TRERF1: variants seen among roughly 807,000 people sequenced by gnomAD.
TRERF1 encodes transcriptional regulating factor 1, also known as transcriptional-regulating factor 1.
A neutral mutation model predicts 122.9 loss-of-function variants in TRERF1; 27 were observed. That is an observed-to-expected ratio of 0.22 (90% CI 0.16 to 0.30). The LOEUF (loss-of-function observed/expected upper bound fraction) is 0.30. Among genes scored for constraint, TRERF1 ranks in the 10% least tolerant of loss-of-function variants. The pLI is 1.00. For missense variants in TRERF1, 1,248 were observed against 1,560.3 expected, an observed-to-expected ratio of 0.80 and a Z score of 3.37; for synonymous variants, 636 against 641.7, an observed-to-expected ratio of 0.99 and a Z score of 0.13.
intron 3 of TRERF1, among the ~76,000 whole-genome samples, chr6:42,353,610 GA>G (rs921816240): frequency 5.4e-5 from 8 of 148,118 alleles, no homozygotes; most frequent in South Asian, 4.3e-4. Flanking sequence ...ACAAACAAAC[GA>G]AAAAAAAAGA....
chr6:42,347,715 A>G (rs1240554092), intron 3 of TRERF1, among the ~76,000 whole-genome samples: 7 of 152,210 alleles, frequency 4.6e-5, no homozygotes, highest in Non-Finnish European at 1.0e-4. Context: ...CCTGACCTCA[A>G]AGAGTGAACC....
Position 42,268,168 on chromosome 6 carries a change from C to G in TRERF1, c.1423G>C (p.Ala475Pro). 1 of 1,457,282 alleles carries G rather than the reference C, an allele frequency of 6.9e-7. No individual in the cohort carries two copies. The highest frequency in any genetic ancestry group is 1.7e-5 in the South Asian group (1 of 59,624). 90.3% of individuals were successfully genotyped at this position (1,457,282 alleles called of 1,614,324 possible). Residue 475 changes from alanine (A) to proline (P), a missense_variant, in exon 5 of 18, where the codon GCC (alanine) becomes CCC (proline). By Grantham distance (27) the Ala-to-Pro change is conservative. Coordinates refer to ENST00000372922, the Ensembl canonical transcript of TRERF1. The surrounding 1 kb of genome is among the most constrained non-coding windows in gnomAD (Gnocchi z 4.4). ...TGGGAGAATACCTGGGGCCACATGG[C>G]ACTGGGAGACAGCTGCTGATGCTGA...
intron 2 of TRERF1, among the ~76,000 whole-genome samples, chr6:42,403,362 G>A (rs1779695331): frequency 6.6e-6 from 1 of 152,078 alleles, no homozygotes; most frequent in Non-Finnish European, 1.5e-5. Flanking sequence ...AATGACTGAT[G>A]CCCTTATTTA....
At chr6:42,451,468 T>G (rs1788499508) in intron 1 of TRERF1, among the ~76,000 whole-genome samples, 1 of 150,450 alleles carries the variant, frequency 6.6e-6, no homozygotes, top group South Asian at 2.1e-4. Context: ...AGCTTTGGGT[T>G]TCCAAAGCAC....
chr6:42,248,527 A>G (rs748645295), intron 13 of TRERF1, among the ~76,000 whole-genome samples: 1 of 151,906 alleles, frequency 6.6e-6, no homozygotes, highest in African/African-American at 2.4e-5. Flanking sequence ...TAATTTTTGT[A>G]TTTTTAGCAG....
At chr6:42,429,121 G>C (rs1784099228) in intron 2 of TRERF1, among the ~76,000 whole-genome samples, 1 of 152,212 alleles carries the variant, frequency 6.6e-6, no homozygotes, top group African/African-American at 2.4e-5. Flanking sequence ...TGAAAACTAA[G>C]TCACACCCAA....
In TRERF1 at chr6:42,401,318, A is replaced by G. The variant is rs1779353135; in HGVS notation, c.-453-38239T>C. ...CTTTTCACCAAAGGCTCCCTTCACC[A>G]TCCGTGCTCTCAAAAGAAAAGATTC... is the stretch of plus-strand genomic sequence containing the variant. On this transcript the variant is annotated intron_variant, in intron 2 of 17. Coordinates refer to ENST00000372922, the Ensembl canonical transcript of TRERF1. 2.0e-5 allele frequency among the ~76,000 whole-genome samples: 3 copies of G among 152,146 alleles called. No individual in the cohort carries two copies. In the South Asian group the frequency reaches 6.2e-4, roughly 32 times the overall value.
intron 3 of TRERF1, among the ~76,000 whole-genome samples, chr6:42,320,423 A>G (rs935167776): frequency 5.9e-5 from 9 of 152,032 alleles, no homozygotes; most frequent in African/African-American, 2.2e-4. Flanking sequence ...TCTGAGCACA[A>G]CCTATTAAAG....
chr6:42,401,356 A>G (rs1357867681), intron 2 of TRERF1, among the ~76,000 whole-genome samples: 5 of 152,186 alleles, frequency 3.3e-5, no homozygotes, highest in African/African-American at 1.2e-4. Context: ...AACACTTCTC[A>G]TCATTACAAT....
At chr6:42,299,067 C>A (rs4714593) in intron 4 of TRERF1, among the ~76,000 whole-genome samples, 27,478 of 141,612 alleles carry the variant, frequency 0.19, 3,128 homozygotes, top group East Asian at 0.32. Flanking sequence ...AGAGCAAGAC[C>A]CTGTCTCTAA....
rs375087577 is a variant in TRERF1 at position 42,252,966 on chromosome 6, A to G, written c.2656+1885T>C. 5.3e-5 allele frequency among the ~76,000 whole-genome samples: 8 copies of G among 152,284 alleles called. No homozygotes were observed. In the South Asian group the frequency reaches 8.3e-4, roughly 16 times the overall value. On this transcript the variant is annotated intron_variant, in intron 13 of 17. Coordinates refer to ENST00000372922, the Ensembl canonical transcript of TRERF1. ...CTCCAAGGATTGAAATGATTCCAGA[A>G]AACAGCAGAGTCCTTCCTGGTCTGC...
At chr6:42,316,017 TC>T (rs1762433500) in intron 3 of TRERF1, among the ~76,000 whole-genome samples, 1 of 152,120 alleles carries the variant, frequency 6.6e-6, no homozygotes, top group South Asian at 2.1e-4. Flanking sequence ...ATTTGGTTCT[TC>T]CTGCAGAATG....
Position 42,250,288 on chromosome 6 carries a change from T to C in TRERF1, c.2657-3744A>G, listed in dbSNP as rs537393825. Among the ~76,000 whole-genome samples, 3 of 152,322 alleles carry C rather than the reference T, an allele frequency of 2.0e-5. No individual in the cohort carries two copies. In the East Asian group the frequency reaches 5.8e-4, roughly 29 times the overall value. On this transcript the variant is annotated intron_variant, in intron 13 of 17. Coordinates refer to ENST00000372922, the Ensembl canonical transcript of TRERF1. Reference sequence around the variant, plus strand: ...GCCACCCCTGCTGATATGTGGACAGTGGCATCCAAGACCACCTGTTTCTTG... The same window carrying C: ...GCCACCCCTGCTGATATGTGGACAGCGGCATCCAAGACCACCTGTTTCTTG...
At chr6:42,298,468 G>A (rs1431227512) in intron 4 of TRERF1, among the ~76,000 whole-genome samples, 1 of 151,230 alleles carries the variant, frequency 6.6e-6, no homozygotes, top group Non-Finnish European at 1.5e-5. Flanking sequence ...AGATAGATTT[G>A]AATAAATTAT....
Position 42,259,811 on chromosome 6 carries a change from T to C in TRERF1, c.1885-88A>G, listed in dbSNP as rs1433269934. 1.9e-6 allele frequency: 3 copies of C among 1,556,674 alleles called. No homozygotes were observed. Among genetic ancestry groups the C allele is most frequent in the African/African-American group, 1.4e-5 (1 of 73,186 alleles). ...GTTCAGGGAAGGGGGCCTTCTACTG[T>C]CTAAGCAGAGAGCCCTTCTGCTTGA... On this transcript the variant is annotated intron_variant, in intron 8 of 17. Coordinates refer to ENST00000372922, the Ensembl canonical transcript of TRERF1. This position sits in a 1 kb window ranked among gnomAD's most constrained non-coding sequence, Gnocchi z 4.9.
At chr6:42,267,357 A>G (rs527245534) in intron 5 of TRERF1, among the ~76,000 whole-genome samples, 6 of 152,270 alleles carry the variant, frequency 3.9e-5, no homozygotes, top group African/African-American at 1.2e-4. Flanking sequence ...GGGGCCAGGC[A>G]CAGTGGCTCA....
At chr6:42,413,775 C>T (rs2151479979) in intron 2 of TRERF1, among the ~76,000 whole-genome samples, 1 of 152,154 alleles carries the variant, frequency 6.6e-6, no homozygotes, top group South Asian at 2.1e-4. Flanking sequence ...GCTTCGTGTG[C>T]ACCTTAAAGT....
At chr6:42,264,910 G>A in intron 6 of TRERF1, 56 bp from the exon 7 acceptor site, 1 of 1,591,654 alleles carries the variant, frequency 6.3e-7, no homozygotes, top group Non-Finnish European at 8.6e-7. Context: ...AGGGGAAACA[G>A]TGACTTGCCA....
chr6:42,322,138 T>C (rs2150468446), intron 3 of TRERF1, among the ~76,000 whole-genome samples: 1 of 152,116 alleles, frequency 6.6e-6, no homozygotes, highest in Admixed American at 6.5e-5. Flanking sequence ...ACAAGAAATA[T>C]GATAGTAAGA....
Sources: gnomAD v4.1 joint callset for allele counts (sites outside exome capture counted in the v4.1 genomes callset) on GRCh38, gnomAD v4.1.1 for gene constraint, Gnocchi (gnomAD v3.1) non-coding constraint, MANE v1.5 for transcripts, NCBI Gene and HGNC (gene_info 2026-07-23, HGNC 2026-07-21) for gene names.